DOCK2: variants seen among roughly 807,000 people sequenced by gnomAD.
DOCK2 encodes the protein dedicator of cytokinesis protein 2.
In DOCK2, 87 loss-of-function variants were observed where a neutral mutation model predicts 248.9. That is an observed-to-expected ratio of 0.35 (90% CI 0.29 to 0.42). The LOEUF is 0.42. Among genes scored for constraint, DOCK2 ranks in the 10% least tolerant of loss-of-function variants. The pLI is 1.00. For missense variants in DOCK2, 1,747 were observed against 2,300.2 expected, an observed-to-expected ratio of 0.76 and a Z score of 4.92; for synonymous variants, 805 against 821.6, an observed-to-expected ratio of 0.98 and a Z score of 0.35.
chr5:169,969,612 A>G (rs1404974198), intron 27 of DOCK2, among the ~76,000 whole-genome samples: 2 of 152,218 alleles, frequency 1.3e-5, no homozygotes, highest in Non-Finnish European at 2.9e-5. Context: ...CTGCGGAGGC[A>G]TTCCCTAGAG....
chr5:169,822,626 G>A (rs985109313), intron 26 of DOCK2, among the ~76,000 whole-genome samples: 26 of 152,126 alleles, frequency 1.7e-4, no homozygotes, highest in Admixed American at 1.6e-3. Context: ...GCAGTGTGTA[G>A]AGGGAAAATT....
In DOCK2 at chr5:170,079,994, T is replaced by C. The variant is rs1038019296; in HGVS notation, c.5167-169T>C. The C allele has an allele frequency of 7.6e-6, 8 of 1,045,874 alleles. No homozygotes were observed. In the African/African-American group the frequency reaches 9.6e-5, roughly 13 times the overall value. 64.8% of individuals were successfully genotyped at this position (1,045,874 alleles called of 1,614,324 possible). On this transcript the variant is annotated intron_variant, in intron 49 of 51. Coordinates refer to ENST00000520908, the MANE Select transcript of DOCK2 (RefSeq NM_004946.3). ...GTGTAGTGTGCAACCTGTGCAACCA[T>C]ATGTGGCAGGCTGGCATGGAATGGT... is the stretch of plus-strand genomic sequence containing the variant.
At chr5:169,711,889 G>A (rs1761606166) in intron 15 of DOCK2, 46 bp from the exon 16 acceptor site, 1 of 1,607,204 alleles carries the variant, frequency 6.2e-7, no homozygotes, top group Admixed American at 1.7e-5. Flanking sequence ...CAGTGGGGAG[G>A]GCCCTTTAAC....
intron 27 of DOCK2, among the ~76,000 whole-genome samples, chr5:169,969,313 G>A (rs1777413810): frequency 6.6e-6 from 1 of 151,728 alleles, no homozygotes; most frequent in Non-Finnish European, 1.5e-5. Context: ...GGTGTGGTGT[G>A]GGGCACTTGT....
intron 27 of DOCK2, among the ~76,000 whole-genome samples, chr5:169,935,177 A>T (rs1049333767): frequency 3.3e-5 from 5 of 152,248 alleles, no homozygotes; most frequent in African/African-American, 1.2e-4. Context: ...AGCTGTGTAT[A>T]AAGACAGTCT....
chr5:169,770,933 T>C (rs190836926), intron 25 of DOCK2, among the ~76,000 whole-genome samples: 22 of 152,262 alleles, frequency 1.4e-4, no homozygotes, highest in Non-Finnish European at 2.8e-4. Context: ...TACATGTCTC[T>C]TGTTGTAAAT....
intron 27 of DOCK2, among the ~76,000 whole-genome samples, chr5:169,856,840 C>A (rs2113390654): frequency 6.6e-6 from 1 of 152,296 alleles, no homozygotes. Flanking sequence ...AGCAGTGTGT[C>A]TGCTACCTGG....
rs182018271 is a variant in DOCK2 at position 169,670,712 on chromosome 5, G to A, written c.224+115G>A. On this transcript the variant is annotated intron_variant, in intron 4 of 51. Transcript: ENST00000520908. Reference sequence around the variant, plus strand: ...GAGGGTTGCTCAGCTTATCTTCTTTGTGCCTGTGTATATTTGTGGGTCTCC... The same window carrying A: ...GAGGGTTGCTCAGCTTATCTTCTTTATGCCTGTGTATATTTGTGGGTCTCC... 4.8e-6 allele frequency: 6 copies of A among 1,261,682 alleles called. No homozygotes were observed. The Admixed American group carries it at 1.3e-4, about 27-fold the overall frequency. The allele number at this position is 1,261,682 out of a possible 1,614,324, so 78.2% of individuals were successfully genotyped here.
At chr5:169,652,608 G>A (rs925596395) in intron 1 of DOCK2, among the ~76,000 whole-genome samples, 12 of 152,206 alleles carry the variant, frequency 7.9e-5, no homozygotes, top group African/African-American at 2.7e-4. Context: ...GAGGCAGAGA[G>A]GTGAAGTCAC....
chr5:169,880,630 G>C (rs905454617), intron 27 of DOCK2, among the ~76,000 whole-genome samples: 1 of 152,156 alleles, frequency 6.6e-6, no homozygotes, highest in Non-Finnish European at 1.5e-5. Context: ...TTGTTCAGAG[G>C]TTTGCAGTTA....
chr5:169,950,671 A>G (rs990112436), intron 27 of DOCK2, among the ~76,000 whole-genome samples: 5 of 152,168 alleles, frequency 3.3e-5, no homozygotes, highest in African/African-American at 9.7e-5. Context: ...ATTTTGTCCA[A>G]TGTTGTGTTC....
chr5:169,669,448 C>T (rs1339965262), intron 3 of DOCK2, 120 bp downstream of exon 3: 9 of 1,055,546 alleles, frequency 8.5e-6, no homozygotes, highest in Non-Finnish European at 1.2e-5. Flanking sequence ...TCTCTCCCTC[C>T]TGTGCCCTGT....
chr5:169,858,662 A>C (rs1771018036), intron 27 of DOCK2, among the ~76,000 whole-genome samples: 1 of 152,100 alleles, frequency 6.6e-6, no homozygotes, highest in Non-Finnish European at 1.5e-5. Context: ...TTCCCATCCA[A>C]ATTTTGCAAT....
Position 170,019,087 on chromosome 5 carries a change from A to T in DOCK2, c.3360A>T (p.Gln1120His), listed in dbSNP as rs984911844. The T allele has an allele frequency of 3.7e-6, 6 of 1,614,070 alleles. No homozygotes were observed. Among genetic ancestry groups the T allele is most frequent in the Non-Finnish European group, 5.1e-6 (6 of 1,179,938 alleles). ...TCGACATGATGCTGTGTGAATATCA[A>T]AGAAGTGGGGATTTCAAAAAGGTAA... ...IFFDMMLCEY[Q>H]RSGDFKKFEN... The change falls in exon 33 of 52, where the codon CAA (glutamine) becomes CAT (histidine). Residue 1120 changes from glutamine to histidine, a missense_variant. Physicochemically the swap from Gln to His is conservative, Grantham distance 24. Transcript: ENST00000520908.
At position 169,877,794 on chromosome 5, in the gene DOCK2, G is replaced by C. The variant is rs187290639; in HGVS notation, c.2799+36942G>C. On this transcript the variant is annotated intron_variant, in intron 27 of 51. Transcript: ENST00000520908. ...AAGACGAGGAGCAGTCTGTCCAGGT[G>C]GACCCTGGACAAACAAAACCTCTTC... 3.4e-4 allele frequency among the ~76,000 whole-genome samples: 51 copies of C among 152,208 alleles called. 1 individual carries two copies. Among genetic ancestry groups the C allele is most frequent in the African/African-American group, 1.2e-3 (49 of 41,538 alleles).
chr5:169,815,608 T>C (rs893185791), intron 26 of DOCK2, among the ~76,000 whole-genome samples: 1 of 152,200 alleles, frequency 6.6e-6, no homozygotes, highest in Non-Finnish European at 1.5e-5. Flanking sequence ...AAAAACTCAG[T>C]ATTTTGTTAT....
intron 26 of DOCK2, among the ~76,000 whole-genome samples, chr5:169,806,169 A>G (rs1008893524): frequency 6.6e-6 from 1 of 150,796 alleles, no homozygotes; most frequent in Non-Finnish European, 1.5e-5. Flanking sequence ...TCTAATATAT[A>G]GCGGCTCTCA....
chr5:169,760,560 G>T (rs1764430202), intron 24 of DOCK2, among the ~76,000 whole-genome samples: 2 of 152,142 alleles, frequency 1.3e-5, no homozygotes, highest in African/African-American at 4.8e-5. Context: ...ATTTTTGCTA[G>T]CTCCTTCTCA....
intron 8 of DOCK2, among the ~76,000 whole-genome samples, chr5:169,685,167 T>C (rs1759891616): frequency 6.6e-6 from 1 of 152,228 alleles, no homozygotes; most frequent in African/African-American, 2.4e-5. Flanking sequence ...TGCTTCAGGC[T>C]TTAATGAGAA....
Sources: allele counts gnomAD v4.1 joint callset (sites outside exome capture counted in the v4.1 genomes callset), GRCh38; gene constraint gnomAD v4.1.1; transcripts MANE v1.5; gene names NCBI Gene and HGNC (gene_info 2026-07-23, HGNC 2026-07-21).